Variants in DARS2 observed in about 807,000 individuals in gnomAD.
DARS2 encodes the protein aspartyl-tRNA synthetase 2, mitochondrial.
Under a neutral mutation model 83.0 loss-of-function variants are expected in DARS2, and 63 were observed. The observed-to-expected ratio is 0.76, with a 90% CI of 0.62 to 0.94. DARS2 has a LOEUF of 0.94. DARS2 is among the 40% of genes least tolerant of loss of function. The pLI is 0.00. For missense variants in DARS2, 675 were observed against 774.4 expected (o/e 0.87, Z 1.52); for synonymous variants, 250 against 269.3 (o/e 0.93, Z 0.70).
In DARS2 at chr1:173,857,931, A is replaced by C; in HGVS notation, c.*226A>C. The C allele has an allele frequency of 5.4e-6, 3 of 552,492 alleles. No homozygotes were observed. The highest frequency in any genetic ancestry group is 9.7e-6 in the Non-Finnish European group (3 of 309,228). The allele number at this position is 552,492 out of a possible 1,614,324, so 34.2% of individuals were successfully genotyped here. A position where few individuals can be genotyped will look rare whatever the true frequency, so the allele number is the denominator to read the frequency against. On this transcript the variant is annotated 3_prime_UTR_variant, in exon 17 of 17. Coordinates refer to ENST00000649689, the MANE Select transcript of DARS2 (RefSeq NM_018122.5). ...TTTTTTTGGTTAGGACTTTTTTTGA[A>C]GTTCCTTTTTACTTAGGTGTGAAAG...
rs886045589 is a variant in DARS2, at chr1:173,840,908, T to A, written c.1063T>A (p.Phe355Ile). Residue 355 changes from phenylalanine (F) to isoleucine (I), a missense_variant, in exon 11 of 17, where the codon TTT becomes ATT. Physicochemically the swap from Phe to Ile is conservative, Grantham distance 21 (BLOSUM62 0). Transcript: ENST00000649689. ...SDVFRNTEIG[F>I]LQDALSKPHG... ...TGTGTTTAGAAACACAGAGATTGGATTTCTTCAAGATGCACTTAGTAAGCC... is the reference window on the plus strand; with the variant it reads ...TGTGTTTAGAAACACAGAGATTGGAATTCTTCAAGATGCACTTAGTAAGCC... 55 of 1,613,236 alleles carry A rather than the reference T, an allele frequency of 3.4e-5. No homozygotes were observed. Among genetic ancestry groups the A allele is most frequent in the Non-Finnish European group, 4.4e-5 (52 of 1,179,304 alleles).
chr1:173,834,983 T>C (rs1380833175), intron 7 of DARS2, among the ~76,000 whole-genome samples: 1 of 151,586 alleles, frequency 6.6e-6, no homozygotes, highest in Non-Finnish European at 1.5e-5. Flanking sequence ...AGTTTCACCG[T>C]TTTGGCCAGG....
chr1:173,852,144 C>T (rs1054264534), intron 13 of DARS2: 8 of 985,212 alleles, frequency 8.1e-6, no homozygotes, highest in African/African-American at 1.7e-5. Context: ...AATGAAGGTC[C>T]GTTATGTAGA....
chr1:173,841,088 A>C, intron 11 of DARS2, 115 bp downstream of exon 11: 1 of 777,714 alleles, frequency 1.3e-6, no homozygotes, highest in Non-Finnish European at 2.2e-6. Flanking sequence ...AAAAATAGGG[A>C]TTTTTGCTGG....
intron 5 of DARS2, 70 bp from the exon 6 acceptor site, chr1:173,833,306 C>T (rs1273731720): frequency 1.4e-6 from 2 of 1,425,554 alleles, no homozygotes; most frequent in African/African-American, 2.9e-5. Context: ...AAAATTCAAA[C>T]TCTTTCTAAA....
chr1:173,826,203 G>C (rs1331410697), intron 1 of DARS2, among the ~76,000 whole-genome samples: 2 of 149,326 alleles, frequency 1.3e-5, no homozygotes, highest in East Asian at 3.9e-4. Context: ...CAGCCTGGGC[G>C]ACAGAGCGAG....
intron 7 of DARS2, among the ~76,000 whole-genome samples, chr1:173,836,504 T>A (rs1472046518): frequency 2.0e-5 from 3 of 150,378 alleles, no homozygotes; most frequent in Admixed American, 2.0e-4. Context: ...GATTGTGCCA[T>A]CGCACTCCAG....
At chr1:173,833,914 C>A (rs1038040103) in intron 6 of DARS2, among the ~76,000 whole-genome samples, 1 of 152,080 alleles carries the variant, frequency 6.6e-6, no homozygotes, top group Non-Finnish European at 1.5e-5. Context: ...CATGCACCAC[C>A]ACACCCAGCC....
rs1262843727 is a variant in DARS2 at position 173,833,407 on chromosome 1, A to T, written c.524A>T (p.Tyr175Phe). Residue 175 changes from tyrosine to phenylalanine, a missense_variant, in exon 6 of 17, where the codon TAC becomes TTC. Tyr to Phe is a conservative substitution (Grantham distance 22). Coordinates refer to ENST00000649689, the MANE Select transcript of DARS2 (RefSeq NM_018122.5). The part of the protein sequence containing the change: ...KTEALRLQYR[Y>F]LDLRSFQMQY... ...GAGGCTCTTCGGTTGCAGTATCGCT[A>T]CTTAGACTTGCGTAGTTTCCAAATG... 6.2e-7 allele frequency: 1 copy of T among 1,612,868 alleles called. No individual in the cohort carries two copies. The highest frequency in any genetic ancestry group is 1.1e-5 in the South Asian group (1 of 90,790).
In DARS2 at chr1:173,834,440, A is replaced by G. The variant is rs767945103; in HGVS notation, c.617-33A>G. 32 of 1,530,666 alleles carry G rather than the reference A, an allele frequency of 2.1e-5. No homozygotes were observed. In the South Asian group the frequency reaches 2.1e-4, roughly 10 times the overall value. The allele number at this position is 1,530,666 out of a possible 1,614,324, so 94.8% of individuals were successfully genotyped here. Reference sequence around the variant, plus strand: ...CATATATGACAAATTTCACATTCCTATCTACTAAGTGATAATGTTTCTCTC... The same window carrying G: ...CATATATGACAAATTTCACATTCCTGTCTACTAAGTGATAATGTTTCTCTC... On this transcript the variant is annotated intron_variant, in intron 6 of 16. Coordinates refer to ENST00000649689, the MANE Select transcript of DARS2 (RefSeq NM_018122.5).
In DARS2 at chr1:173,853,449, T is replaced by C; in HGVS notation, c.1445T>C (p.Val482Ala). 1 of 1,614,092 alleles carries C rather than the reference T, an allele frequency of 6.2e-7. No individual in the cohort carries two copies. Residue 482 changes from valine to alanine, a missense_variant, in exon 14 of 17, where the codon GTA becomes GCA. Transcript: ENST00000649689. ...ACTCTGTTCTCTTTCCTTTGGGTGGTAGATTTCCCACTCTTCCTGCCCAAG... is the reference window on the plus strand; with the variant it reads ...ACTCTGTTCTCTTTCCTTTGGGTGGCAGATTTCCCACTCTTCCTGCCCAAG... ...DPTLFSFLWV[V>A]DFPLFLPKEE...
At chr1:173,829,374 G>A (rs565821182) in intron 3 of DARS2, among the ~76,000 whole-genome samples, 4 of 152,138 alleles carry the variant, frequency 2.6e-5, no homozygotes, top group South Asian at 4.2e-4. Context: ...TGTACCCCTT[G>A]AATTTGAAGC....
At chr1:173,829,145 A>G (rs1652699213) in intron 3 of DARS2, among the ~76,000 whole-genome samples, 1 of 152,174 alleles carries the variant, frequency 6.6e-6, no homozygotes, top group African/African-American at 2.4e-5. Flanking sequence ...GTTAAACTCC[A>G]GCACTCTAAG....
At chr1:173,829,498 G>A (rs1652714310) in intron 3 of DARS2, among the ~76,000 whole-genome samples, 1 of 152,026 alleles carries the variant, frequency 6.6e-6, no homozygotes, top group Admixed American at 6.6e-5. Context: ...AAAAATTCAA[G>A]GCCAGGCATG....
At chr1:173,847,999 C>T (rs1653503505) in intron 12 of DARS2, among the ~76,000 whole-genome samples, 1 of 151,966 alleles carries the variant, frequency 6.6e-6, no homozygotes, top group Admixed American at 6.6e-5. Context: ...ACTACAGGCG[C>T]CCGCGACCAC....
chr1:173,856,761 A>G lies in DARS2; in HGVS notation c.1750+20A>G, dbSNP rs1455432413. On this transcript the variant is annotated intron_variant, in intron 16 of 16. Coordinates refer to ENST00000649689, the MANE Select transcript of DARS2 (RefSeq NM_018122.5). ...CCTTAGGTAAACAACTTTTCCTTTT[A>G]TAAGATAAACTGAATTCCATTGCAC... 13 of 1,607,576 alleles carry G rather than the reference A, an allele frequency of 8.1e-6. No individual in the cohort carries two copies. In the East Asian group the frequency reaches 8.9e-5, roughly 11 times the overall value.
chr1:173,856,765 G>A (rs749818005), intron 16 of DARS2, 24 bp downstream of exon 16: 31 of 1,599,840 alleles, frequency 1.9e-5, no homozygotes, highest in Non-Finnish European at 2.6e-5. Context: ...CCTTTTATAA[G>A]ATAAACTGAA....
intron 15 of DARS2, among the ~76,000 whole-genome samples, chr1:173,854,496 T>C (rs1052105569): frequency 6.6e-6 from 1 of 152,198 alleles, no homozygotes; most frequent in Admixed American, 6.5e-5. Context: ...AATACCCTTA[T>C]TATAATAGTG....
At chr1:173,827,896 A>G (rs904441284) in intron 2 of DARS2, among the ~76,000 whole-genome samples, 3 of 152,236 alleles carry the variant, frequency 2.0e-5, no homozygotes, top group African/African-American at 7.2e-5. Context: ...CTATATTTCA[A>G]AAATGATCCA....
Sources: allele counts gnomAD v4.1 joint callset (sites outside exome capture counted in the v4.1 genomes callset), GRCh38; gene constraint gnomAD v4.1.1; transcripts MANE v1.5; gene names NCBI Gene and HGNC (gene_info 2026-07-23, HGNC 2026-07-21).